ATG2A: variants seen among roughly 807,000 people sequenced by gnomAD.
ATG2A encodes the protein autophagy related 2A, also known as autophagy-related protein 2 homolog A.
Under a neutral mutation model 214.2 loss-of-function variants are expected in ATG2A, and 103 were observed. That is an observed-to-expected ratio of 0.48 (90% CI 0.41 to 0.57). The LOEUF is 0.57. Among genes scored for constraint, ATG2A ranks in the 20% least tolerant of loss-of-function variants. ATG2A has a pLI of 0.00. For missense variants in ATG2A, 2,312 were observed against 2,613.2 expected, an observed-to-expected ratio of 0.88 and a Z score of 2.51; for synonymous variants, 1,160 against 1,142.1, an observed-to-expected ratio of 1.02 and a Z score of -0.32.
chr11:64,906,130 G>T lies in ATG2A; in HGVS notation c.3247C>A (p.Gln1083Lys). The T allele has an allele frequency of 6.3e-7, 1 of 1,588,978 alleles. No individual in the cohort carries two copies. The highest frequency in any genetic ancestry group is 1.8e-5 in the Admixed American group (1 of 55,806). Reference protein sequence around the residue: ...TLRHYMALPEQSWHSQLLEFL... With the variant: ...TLRHYMALPEKSWHSQLLEFL... ...ACGCTCACCTGGGAATGCCAGCTCTGCTCGGGCAGGGCCATGTAGTGGCGC... is the reference window on the plus strand; with the variant it reads ...ACGCTCACCTGGGAATGCCAGCTCTTCTCGGGCAGGGCCATGTAGTGGCGC... The change falls in exon 22 of 41, where the codon CAG becomes AAG. Residue 1083 changes from glutamine to lysine, a missense_variant. Coordinates refer to ENST00000377264, the MANE Select transcript of ATG2A (RefSeq NM_015104.3).
At position 64,913,771 on chromosome 11, in the gene ATG2A, C is replaced by T. The variant is rs767603465; in HGVS notation, c.590+50G>A. 16 of 1,570,214 alleles carry T rather than the reference C, an allele frequency of 1.0e-5. No homozygotes were observed. Among genetic ancestry groups the T allele is most frequent in the Admixed American group, 3.3e-5 (2 of 59,792 alleles). ...CTGCGGGTGGGGACCATCCAGCAGC[C>T]CCCACTCCCCATCTTCACACCAGTC... On this transcript the variant is annotated intron_variant, in intron 4 of 40. Transcript: ENST00000377264. The surrounding 1 kb of genome is among the most constrained non-coding windows in gnomAD (Gnocchi z 4.3).
At position 64,903,214 on chromosome 11, in the gene ATG2A, C is replaced by T; in HGVS notation, c.3612+74G>A. The T allele has an allele frequency of 7.1e-7, 1 of 1,410,318 alleles. No homozygotes were observed. Among genetic ancestry groups the T allele is most frequent in the Non-Finnish European group, 1.0e-6 (1 of 1,002,338 alleles). 87.4% of individuals were successfully genotyped at this position (1,410,318 alleles called of 1,614,324 possible). ...TCCGGAGCCCAGGCACGTGAGGGAGCAGCAGCCCCTGAAGACTCCCTTGGC... is the reference window on the plus strand; with the variant it reads ...TCCGGAGCCCAGGCACGTGAGGGAGTAGCAGCCCCTGAAGACTCCCTTGGC... On this transcript the variant is annotated intron_variant, in intron 26 of 40. Coordinates refer to ENST00000377264, the MANE Select transcript of ATG2A (RefSeq NM_015104.3). This position sits in a 1 kb window ranked among gnomAD's most constrained non-coding sequence, Gnocchi z 4.2.
Position 64,895,008 on chromosome 11 carries a change from C to T in ATG2A, c.5782G>A (p.Ala1928Thr), listed in dbSNP as rs1294226231. 6.2e-6 allele frequency: 10 copies of T among 1,612,838 alleles called. No homozygotes were observed. Among genetic ancestry groups the T allele is most frequent in the South Asian group, 1.1e-5 (1 of 91,020 alleles). Residue 1928 changes from alanine (A) to threonine (T), a missense_variant, in exon 41 of 41, where the codon GCC becomes ACC. Physicochemically the swap from Ala to Thr is moderately conservative, Grantham distance 58 (BLOSUM62 0). Transcript: ENST00000377264. The surrounding 1 kb of genome is among the most constrained non-coding windows in gnomAD (Gnocchi z 5.0). ...GCACTGTCCGAGCGCCACTTGAGGGCGTGGTCCTTGTGGGCGTCGGGGACA... is the reference window on the plus strand; with the variant it reads ...GCACTGTCCGAGCGCCACTTGAGGGTGTGGTCCTTGTGGGCGTCGGGGACA... Reference protein sequence around the residue: ...QIVPDAHKDHALKWRSDSAQD With the variant: ...QIVPDAHKDHTLKWRSDSAQD
At position 64,914,503 on chromosome 11, in the gene ATG2A, G is replaced by A. The variant is rs766863949; in HGVS notation, c.172-3C>T. ...GACTCCAGCACCTCGTTCACAGACT[G>A]GGAGCAAGCAAGAGACAAAACCAGC... is the stretch of plus-strand genomic sequence containing the variant. On this transcript the variant is annotated splice_region_variant and splice_polypyrimidine_tract_variant and intron_variant, in intron 1 of 40. Transcript: ENST00000377264. 5.0e-6 allele frequency: 8 copies of A among 1,611,594 alleles called. No individual in the cohort carries two copies. In the South Asian group the frequency reaches 7.7e-5, roughly 16 times the overall value.
In ATG2A at chr11:64,917,106, G is replaced by GT; in HGVS notation, c.29dup (p.Asn10LysfsTer136). 6.2e-7 allele frequency: 1 copy of GT among 1,612,436 alleles called. No homozygotes were observed. The highest frequency in any genetic ancestry group is 8.5e-7 in the Non-Finnish European group (1 of 1,179,722). On this transcript the variant is annotated frameshift_variant, in exon 1 of 41. Coordinates refer to ENST00000377264, the MANE Select transcript of ATG2A (RefSeq NM_015104.3). LOFTEE classifies it high-confidence loss of function. ...AGCGGCAGACCCGCTCTTTCACACA[G>GT]TTTGACCATGGCCACAGCCATCGTG...
In ATG2A at chr11:64,905,725, C is replaced by G; in HGVS notation, c.3371+17G>C. 1 of 1,613,864 alleles carries G rather than the reference C, an allele frequency of 6.2e-7. No homozygotes were observed. ...GCCCATCCCCGTCCCCAGCCCCTGGCCCACCCAGCCTGGTACCTATAGTCC... is the reference window on the plus strand; with the variant it reads ...GCCCATCCCCGTCCCCAGCCCCTGGGCCACCCAGCCTGGTACCTATAGTCC... On this transcript the variant is annotated intron_variant, in intron 23 of 40. Transcript: ENST00000377264.
intron 13 of ATG2A, 49 bp from the exon 14 acceptor site, chr11:64,909,973 T>C: frequency 6.4e-7 from 1 of 1,572,622 alleles, no homozygotes; most frequent in Non-Finnish European, 8.6e-7. Context: ...CCTCCCACTG[T>C]GACCAAGAGC....
At chr11:64,899,124 C>G (rs1035864790) in intron 31 of ATG2A, among the ~76,000 whole-genome samples, 6 of 152,138 alleles carry the variant, frequency 3.9e-5, no homozygotes, top group African/African-American at 1.2e-4. Context: ...AGGCTGGTCT[C>G]GAACTCCTGG....
At chr11:64,911,329 G>A in intron 9 of ATG2A, 54 bp from the exon 10 acceptor site, 2 of 1,568,196 alleles carry the variant, frequency 1.3e-6, no homozygotes, top group Non-Finnish European at 8.7e-7. Context: ...GGTACCCCAG[G>A]TGGAGCAATA....
At chr11:64,908,390 A>G (rs1322847202) in intron 16 of ATG2A, among the ~76,000 whole-genome samples, 2 of 152,150 alleles carry the variant, frequency 1.3e-5, no homozygotes, top group African/African-American at 4.8e-5. Context: ...CGTCTCTACT[A>G]AAAATATAAA....
chr11:64,904,202 C>T (rs755947863), intron 24 of ATG2A, among the ~76,000 whole-genome samples: 1 of 151,904 alleles, frequency 6.6e-6, no homozygotes, highest in African/African-American at 2.4e-5. Flanking sequence ...GCCTAGATCA[C>T]ACCACTGCAC....
At position 64,897,421 on chromosome 11, in the gene ATG2A, C is replaced by T. The variant is rs1193831041; in HGVS notation, c.5141G>A (p.Cys1714Tyr). Residue 1714 changes from cysteine to tyrosine, a missense_variant, in exon 37 of 41, where the codon TGC becomes TAC. Cys to Tyr is a radical substitution (Grantham distance 194). Transcript: ENST00000377264. ...GGTGCTGGGGACTCACCCGTGCCTGCAACAGAGCCGCTTTAGCTTCAGCTC... is the reference window on the plus strand; with the variant it reads ...GGTGCTGGGGACTCACCCGTGCCTGTAACAGAGCCGCTTTAGCTTCAGCTC... ...CSELKLKRLC[C>Y]RHGLLGVDKV... 2 of 1,564,462 alleles carry T rather than the reference C, an allele frequency of 1.3e-6. No individual in the cohort carries two copies. The highest frequency in any genetic ancestry group is 3.8e-5 in the Admixed American group (2 of 52,364).
chr11:64,900,973 TG>T lies in ATG2A; in HGVS notation c.4238del (p.Pro1413GlnfsTer74). ...TDLLRAPAHF[P>X]VPSTRVVLRE... ...GTAGCACCACCCGAGTGCTGGGCACTGGGAAATGGGCAGGTGCCCGCAGCAA... is the reference window on the plus strand; with the variant it reads ...GTAGCACCACCCGAGTGCTGGGCACTGGAAATGGGCAGGTGCCCGCAGCAA... On this transcript the variant is annotated frameshift_variant, in exon 30 of 41. Coordinates refer to ENST00000377264, the MANE Select transcript of ATG2A (RefSeq NM_015104.3). LOFTEE classifies it high-confidence loss of function. The T allele has an allele frequency of 6.3e-7, 1 of 1,586,954 alleles. No homozygotes were observed. The highest frequency in any genetic ancestry group is 8.6e-7 in the Non-Finnish European group (1 of 1,166,978).
intron 16 of ATG2A, 37 bp from the exon 17 acceptor site, chr11:64,907,927 CTT>C: frequency 1.3e-6 from 2 of 1,593,158 alleles, no homozygotes; most frequent in South Asian, 2.3e-5. Context: ...GGAGAGTCAT[CTT>C]AGAGACGCTG....
In ATG2A at chr11:64,898,893, G is replaced by A. The variant is rs368739117; in HGVS notation, c.4465-51C>T. 13 of 1,550,256 alleles carry A rather than the reference G, an allele frequency of 8.4e-6. 1 individual carries two copies. Among genetic ancestry groups the A allele is most frequent in the Middle Eastern group, 2.1e-4 (1 of 4,820 alleles). ...AGGTAAGCAGGGCCCCAAGAGGGAGGGAAGGGCTGGCCCCAGACCCCTTCT... is the reference window on the plus strand; with the variant it reads ...AGGTAAGCAGGGCCCCAAGAGGGAGAGAAGGGCTGGCCCCAGACCCCTTCT... On this transcript the variant is annotated intron_variant, in intron 31 of 40. Coordinates refer to ENST00000377264, the MANE Select transcript of ATG2A (RefSeq NM_015104.3). The surrounding 1 kb of genome is among the most constrained non-coding windows in gnomAD (Gnocchi z 4.5).
At chr11:64,905,228 T>C (rs776254563) in intron 24 of ATG2A, among the ~76,000 whole-genome samples, 1 of 152,212 alleles carries the variant, frequency 6.6e-6, no homozygotes, top group Admixed American at 6.5e-5. Context: ...AGGTGGGCCA[T>C]GCTTATTTGC....
At chr11:64,912,285 C>CCCGGGG in intron 7 of ATG2A, 36 bp from the exon 8 acceptor site, 1 of 1,592,018 alleles carries the variant, frequency 6.3e-7, no homozygotes, top group Non-Finnish European at 8.6e-7. Context: ...GGCTGGCTGG[C>CCCGGGG]CCTCCCAGCC....
At position 64,907,654 on chromosome 11, in the gene ATG2A, C is replaced by T. The variant is rs1348851125; in HGVS notation, c.2518G>A (p.Asp840Asn). The change falls in exon 18 of 41, where the codon GAC becomes AAC. Residue 840 changes from aspartate (D) to asparagine (N), a missense_variant. Physicochemically the swap from Asp to Asn is conservative, Grantham distance 23. Transcript: ENST00000377264. The part of the protein sequence containing the change: ...YESIYNRINN[D>N]LLMWEPADLL... The stretch of plus-strand genomic sequence containing the variant: ...TCTGCAGGCTCCCACATGAGCAGGT[C>T]GTTGTTGATCCTGAGATAGGCGGGT... 6 of 1,599,824 alleles carry T rather than the reference C, an allele frequency of 3.8e-6. No individual in the cohort carries two copies. The highest frequency in any genetic ancestry group is 1.7e-5 in the Admixed American group (1 of 58,118).
chr11:64,908,035 T>A, intron 16 of ATG2A, 145 bp from the exon 17 acceptor site: 2 of 976,948 alleles, frequency 2.0e-6, no homozygotes, highest in Non-Finnish European at 3.0e-6. Flanking sequence ...ATGATAGCCG[T>A]ACAGATACAG....
Sources: gnomAD v4.1 joint callset for allele counts (sites outside exome capture counted in the v4.1 genomes callset) on GRCh38, gnomAD v4.1.1 for gene constraint, Gnocchi (gnomAD v3.1) non-coding constraint, MANE v1.5 for transcripts, NCBI Gene and HGNC (gene_info 2026-07-23, HGNC 2026-07-21) for gene names.